The following SLC35F4 variants were observed in gnomAD, a reference collection of about 807,000 sequenced individuals.
The protein encoded by SLC35F4 is chromosome 14 open reading frame 36.
Under a neutral mutation model 44.2 loss-of-function variants are expected in SLC35F4, and 24 were observed. The observed-to-expected ratio is 0.54, with a 90% CI of 0.39 to 0.76. The LOEUF (loss-of-function observed/expected upper bound fraction) is 0.76. SLC35F4 is among the 30% of genes least tolerant of loss of function. SLC35F4 has a pLI of 0.00. For missense variants in SLC35F4, 562 were observed against 586.1 expected, an observed-to-expected ratio of 0.96 and a Z score of 0.42; for synonymous variants, 238 against 223.6, an observed-to-expected ratio of 1.06 and a Z score of -0.57.
At chr14:57,692,379 A>T (rs1175361159) in intron 1 of SLC35F4, among the ~76,000 whole-genome samples, 1 of 152,064 alleles carries the variant, frequency 6.6e-6, no homozygotes, top group Admixed American at 6.6e-5. Context: ...ATTTATTTCT[A>T]TAGCTAATAG....
intron 1 of SLC35F4, among the ~76,000 whole-genome samples, chr14:57,676,131 C>T (rs1594772026): frequency 1.3e-5 from 2 of 151,960 alleles, no homozygotes; most frequent in African/African-American, 2.4e-5. Flanking sequence ...AACAAGTAAT[C>T]CCATCGAAAA....
chr14:57,844,658 T>G (rs1885829248), intron 1 of SLC35F4, among the ~76,000 whole-genome samples: 1 of 152,180 alleles, frequency 6.6e-6, no homozygotes, highest in Non-Finnish European at 1.5e-5. Flanking sequence ...ACCTTCTAGA[T>G]GCAGGAAATA....
At chr14:57,857,549 A>G (rs2141001619) in intron 1 of SLC35F4, among the ~76,000 whole-genome samples, 1 of 152,186 alleles carries the variant, frequency 6.6e-6, no homozygotes, top group Non-Finnish European at 1.5e-5. Flanking sequence ...TAAATATTTC[A>G]TTCGTTAGCA....
chr14:57,650,401 A>G (rs1025021258), intron 1 of SLC35F4, among the ~76,000 whole-genome samples: 3 of 152,048 alleles, frequency 2.0e-5, no homozygotes, highest in Non-Finnish European at 4.4e-5. Context: ...ATCTCAACAA[A>G]TAGCATCACC....
At position 57,776,581 on chromosome 14, in the gene SLC35F4, G is replaced by A. The variant is rs567390983; in HGVS notation, c.103+89142C>T. Among the ~76,000 whole-genome samples, 8 of 144,580 alleles carry A rather than the reference G, an allele frequency of 5.5e-5. No individual in the cohort carries two copies. In the East Asian group the frequency reaches 1.3e-3, roughly 23 times the overall value. The allele number at this position is 144,580 out of a possible 152,430, so 94.9% of individuals were successfully genotyped here. On this transcript the variant is annotated intron_variant, in intron 1 of 7. Coordinates refer to ENST00000556826, the MANE Select transcript of SLC35F4 (RefSeq NM_001306087.2). Reference sequence around the variant, plus strand: ...ATTGGGAGGCTGAGGTCAGAGAATCGCTTGAACCCAGGAGGCAGAGGTTGC... The same window carrying A: ...ATTGGGAGGCTGAGGTCAGAGAATCACTTGAACCCAGGAGGCAGAGGTTGC...
intron 1 of SLC35F4, among the ~76,000 whole-genome samples, chr14:57,748,554 G>A (rs2076812577): frequency 6.6e-6 from 1 of 151,976 alleles, no homozygotes; most frequent in Admixed American, 6.6e-5. Context: ...GCCAAAGACT[G>A]GATCTGGAAA....
chr14:57,761,756 G>A (rs757273136), intron 1 of SLC35F4, among the ~76,000 whole-genome samples: 21 of 152,142 alleles, frequency 1.4e-4, no homozygotes, highest in Non-Finnish European at 2.2e-4. Flanking sequence ...TAAGATTAGC[G>A]CAAAAGATCT....
At chr14:57,571,754 A>G (rs2068517123) in intron 5 of SLC35F4, 140 bp downstream of exon 5, 2 of 1,236,760 alleles carry the variant, frequency 1.6e-6, no homozygotes, top group Admixed American at 3.1e-5. Context: ...CCCATCACAT[A>G]ACAAGTAGTT....
intron 1 of SLC35F4, among the ~76,000 whole-genome samples, chr14:57,942,919 T>C (rs1329938727): frequency 6.6e-6 from 1 of 152,204 alleles, no homozygotes. Context: ...ATTCAGAAAC[T>C]GAGATTTAAA....
At chr14:57,960,123 A>T (rs1181191740) in intron 1 of SLC35F4, among the ~76,000 whole-genome samples, 1 of 152,132 alleles carries the variant, frequency 6.6e-6, no homozygotes, top group Non-Finnish European at 1.5e-5. Context: ...GTTACCTTCT[A>T]GGATAACATG....
chr14:57,845,578 G>A (rs552522066), intron 1 of SLC35F4, among the ~76,000 whole-genome samples: 11 of 152,238 alleles, frequency 7.2e-5, no homozygotes, highest in South Asian at 4.1e-4. Flanking sequence ...GTGCCTATTT[G>A]GGTATAATTT....
intron 1 of SLC35F4, among the ~76,000 whole-genome samples, chr14:57,801,252 G>A (rs4901822): frequency 0.48 from 73,508 of 152,020 alleles, 20,504 homozygotes; most frequent in African/African-American, 0.76. Flanking sequence ...CCAGAATTTC[G>A]TATCCAGACA....
At chr14:57,605,423 C>A (rs757202071) in intron 1 of SLC35F4, among the ~76,000 whole-genome samples, 10 of 152,068 alleles carry the variant, frequency 6.6e-5, no homozygotes, top group Non-Finnish European at 1.0e-4. Context: ...TCACATCAGT[C>A]AGAATGGCTT....
chr14:57,720,247 A>G (rs1419701525), intron 1 of SLC35F4, among the ~76,000 whole-genome samples: 1 of 152,030 alleles, frequency 6.6e-6, no homozygotes, highest in Non-Finnish European at 1.5e-5. Context: ...TTTTTTTCTG[A>G]TAATTTTTGC....
rs1024949045 is a variant in SLC35F4 at position 57,888,788 on chromosome 14, A to G, written n.282+93125T>C. Among the ~76,000 whole-genome samples, 5 of 152,226 alleles carry G rather than the reference A, an allele frequency of 3.3e-5. No individual in the cohort carries two copies. In the East Asian group the frequency reaches 5.8e-4, roughly 18 times the overall value. On this transcript the variant is annotated intron_variant and non_coding_transcript_variant, in intron 1 of 1. Coordinates refer to the SLC35F4 transcript ENST00000556568. ...CATCAACTACTATATAGTGCTTACT[A>G]TGTGCCAGTTGTGGCTCTAAACATA...
intron 1 of SLC35F4, among the ~76,000 whole-genome samples, chr14:57,822,092 C>A (rs1303735350): frequency 2.0e-5 from 3 of 152,204 alleles, no homozygotes; most frequent in Non-Finnish European, 4.4e-5. Context: ...CAGTCTGTAC[C>A]CAGTGGCTGT....
At chr14:57,804,194 C>T (rs907521593) in intron 1 of SLC35F4, among the ~76,000 whole-genome samples, 1 of 152,026 alleles carries the variant, frequency 6.6e-6, no homozygotes, top group Non-Finnish European at 1.5e-5. Flanking sequence ...GCTATACTGC[C>T]CAAAGTAATT....
intron 1 of SLC35F4, among the ~76,000 whole-genome samples, chr14:57,789,092 A>G (rs1311342244): frequency 6.6e-6 from 1 of 152,202 alleles, no homozygotes; most frequent in Admixed American, 6.5e-5. Flanking sequence ...TAACATCACA[A>G]TTAAAAGAAC....
In SLC35F4 at chr14:57,840,846, T is replaced by C. The variant is rs138986407; in HGVS notation, c.103+24877A>G. 2.7e-4 allele frequency among the ~76,000 whole-genome samples: 41 copies of C among 152,378 alleles called. No individual in the cohort carries two copies. In the East Asian group the frequency reaches 6.9e-3, roughly 26 times the overall value. On this transcript the variant is annotated intron_variant, in intron 1 of 7. Coordinates refer to ENST00000556826, the MANE Select transcript of SLC35F4 (RefSeq NM_001306087.2). ...TTTTAAGCCATGGTTATTAATGTTT[T>C]GAGGTCCATGAGTACCACTGAAAAT... is the stretch of plus-strand genomic sequence containing the variant.
Sources: gnomAD v4.1 joint callset for allele counts (sites outside exome capture counted in the v4.1 genomes callset) on GRCh38, gnomAD v4.1.1 for gene constraint, MANE v1.5 for transcripts, NCBI Gene and HGNC (gene_info 2026-07-23, HGNC 2026-07-21) for gene names.